Variants in LYPD6B observed in about 807,000 individuals in gnomAD.
The protein encoded by LYPD6B is LY6/PLAUR domain containing 6B.
In LYPD6B, 17 loss-of-function variants were observed where a neutral mutation model predicts 22.8. The observed-to-expected ratio is 0.75, with a 90% CI of 0.51 to 1.12. The LOEUF (loss-of-function observed/expected upper bound fraction) is 1.12. LYPD6B is among the 50% of genes most tolerant of loss of function. The pLI, the probability that LYPD6B is intolerant of heterozygous loss-of-function variation, is 0.00. For missense variants in LYPD6B, 221 were observed against 258.3 expected (o/e 0.86, Z 0.99); for synonymous variants, 106 against 91.6 (o/e 1.16, Z -0.90).
chr2:149,148,234 T>C lies in LYPD6B; in HGVS notation c.6-12530T>C, dbSNP rs186561021. 3.5e-3 allele frequency among the ~76,000 whole-genome samples: 526 copies of C among 152,308 alleles called. 2 individuals carry two copies. Among genetic ancestry groups the C allele is most frequent in the Non-Finnish European group, 6.2e-3 (423 of 68,030 alleles). The stretch of plus-strand genomic sequence containing the variant: ...AAAAGCTTTTAGGTGAACCCTTGCT[T>C]AGTAATTCTAAACTGTGTTACATCT... On this transcript the variant is annotated intron_variant, in intron 2 of 6. Coordinates refer to ENST00000409642, the MANE Select transcript of LYPD6B (RefSeq NM_177964.5).
At chr2:149,054,063 TTC>T (rs1683681782) in intron 1 of LYPD6B, among the ~76,000 whole-genome samples, 1 of 152,262 alleles carries the variant, frequency 6.6e-6, no homozygotes, top group African/African-American at 2.4e-5. Context: ...TCTGTAAGCA[TTC>T]ATGTATAAGT....
chr2:149,139,277 T>C (rs1055640806), intron 2 of LYPD6B, among the ~76,000 whole-genome samples: 6 of 152,112 alleles, frequency 3.9e-5, no homozygotes, highest in African/African-American at 1.2e-4. Context: ...TTATTAGCAA[T>C]AGAAAGGGGG....
chr2:149,064,755 T>C (rs1684246343), intron 1 of LYPD6B, among the ~76,000 whole-genome samples: 1 of 152,206 alleles, frequency 6.6e-6, no homozygotes, highest in South Asian at 2.1e-4. Flanking sequence ...TTTGGGGACC[T>C]GGAGGCTGGT....
chr2:149,085,862 A>G (rs1685364589), intron 1 of LYPD6B, among the ~76,000 whole-genome samples: 2 of 150,294 alleles, frequency 1.3e-5, no homozygotes, highest in South Asian at 4.2e-4. Flanking sequence ...ATATGGAAGA[A>G]GAATGATCAC....
chr2:149,134,137 G>GGA (rs139906170), intron 2 of LYPD6B, among the ~76,000 whole-genome samples: 3 of 152,098 alleles, frequency 2.0e-5, no homozygotes, highest in East Asian at 1.9e-4. Flanking sequence ...CCTGAAGAAA[G>GGA]GAGAGAGAGA....
Position 149,185,382 on chromosome 2 carries a change from C to A in LYPD6B, c.78-19871C>A, listed in dbSNP as rs72981296. 2.9e-3 allele frequency among the ~76,000 whole-genome samples: 447 copies of A among 152,276 alleles called. 3 individuals are homozygous for A. The highest frequency in any genetic ancestry group is 0.01 in the African/African-American group (430 of 41,546). ...GGCCTCCTGTGAGCTGGGAACCTAT[C>A]CCTGATTAGAGTAATTAGAGCGACT... is the stretch of plus-strand genomic sequence containing the variant. On this transcript the variant is annotated intron_variant, in intron 3 of 6. Transcript: ENST00000409642.
intron 2 of LYPD6B, among the ~76,000 whole-genome samples, chr2:149,139,171 G>T (rs1190374533): frequency 6.6e-6 from 1 of 152,200 alleles, no homozygotes; most frequent in Non-Finnish European, 1.5e-5. Flanking sequence ...GGGAAGGAAT[G>T]GTTTATTGCC....
chr2:149,042,159 ATCC>A (rs1287932197), intron 1 of LYPD6B, among the ~76,000 whole-genome samples: 1 of 152,246 alleles, frequency 6.6e-6, no homozygotes, highest in Non-Finnish European at 1.5e-5. Context: ...TTAATGGTAG[ATCC>A]TGGACTAGTA....
chr2:149,042,210 T>C (rs1027849329), intron 1 of LYPD6B, among the ~76,000 whole-genome samples: 1 of 152,240 alleles, frequency 6.6e-6, no homozygotes, highest in African/African-American at 2.4e-5. Context: ...GAGCGATAAC[T>C]TTGGTAGTTG....
chr2:149,100,144 G>A (rs994903115), intron 1 of LYPD6B, among the ~76,000 whole-genome samples: 4 of 152,062 alleles, frequency 2.6e-5, no homozygotes, highest in Non-Finnish European at 5.9e-5. Context: ...GTACATGATG[G>A]TCTAAACTGG....
intron 2 of LYPD6B, among the ~76,000 whole-genome samples, chr2:149,150,258 T>C (rs1689287206): frequency 6.6e-6 from 1 of 152,158 alleles, no homozygotes; most frequent in Non-Finnish European, 1.5e-5. Context: ...CTATTTCCCT[T>C]TGTGGTGGTT....
intron 3 of LYPD6B, among the ~76,000 whole-genome samples, chr2:149,189,365 T>TATATATATATATATATATATAC (rs1559066292): frequency 5.4e-5 from 5 of 93,252 alleles, no homozygotes; most frequent in African/African-American, 1.4e-4. Flanking sequence ...TATATATATA[T>TATATATATATATATATATATAC]ATACACACAC....
chr2:149,096,637 G>C (rs1685914917), intron 1 of LYPD6B, among the ~76,000 whole-genome samples: 1 of 152,190 alleles, frequency 6.6e-6, no homozygotes, highest in Admixed American at 6.5e-5. Flanking sequence ...TGCTGTGAAA[G>C]GGTGTTGCTT....
At chr2:149,117,553 G>A (rs1276840918) in intron 1 of LYPD6B, among the ~76,000 whole-genome samples, 1 of 152,154 alleles carries the variant, frequency 6.6e-6, no homozygotes, top group Non-Finnish European at 1.5e-5. Context: ...TAAGGCTTTT[G>A]GAATTAGTGT....
intron 3 of LYPD6B, among the ~76,000 whole-genome samples, chr2:149,199,915 T>C (rs1180940371): frequency 6.6e-6 from 1 of 152,158 alleles, no homozygotes; most frequent in Non-Finnish European, 1.5e-5. Context: ...TCTTCCTAAA[T>C]TTAATGGGAA....
At chr2:149,064,248 G>A (rs991097789) in intron 1 of LYPD6B, among the ~76,000 whole-genome samples, 1 of 152,176 alleles carries the variant, frequency 6.6e-6, no homozygotes, top group Non-Finnish European at 1.5e-5. Flanking sequence ...AACTTAGGGT[G>A]AATTTTCTAG....
chr2:149,170,003 A>G (rs1690711796), intron 3 of LYPD6B, among the ~76,000 whole-genome samples: 1 of 152,202 alleles, frequency 6.6e-6, no homozygotes, highest in Non-Finnish European at 1.5e-5. Context: ...TGAATTATAT[A>G]AATGTGCCTT....
chr2:149,196,138 A>G (rs1392049017), intron 3 of LYPD6B, among the ~76,000 whole-genome samples: 1 of 152,218 alleles, frequency 6.6e-6, no homozygotes, highest in Admixed American at 6.5e-5. Flanking sequence ...GCACATATAT[A>G]TCTTTATATA....
intron 2 of LYPD6B, among the ~76,000 whole-genome samples, chr2:149,158,144 GT>G (rs1362271979): frequency 2.6e-5 from 4 of 152,164 alleles, no homozygotes; most frequent in Non-Finnish European, 4.4e-5. Flanking sequence ...ACTAGGATTT[GT>G]ATAATTAACT....
Sources: gnomAD v4.1 joint callset for allele counts (sites outside exome capture counted in the v4.1 genomes callset) on GRCh38, gnomAD v4.1.1 for gene constraint, MANE v1.5 for transcripts, NCBI Gene and HGNC (gene_info 2026-07-23, HGNC 2026-07-21) for gene names.